Variants in TSPAN1 observed in about 807,000 individuals in gnomAD.
TSPAN1 encodes the protein tetraspanin 1.
Under a neutral mutation model 26.9 loss-of-function variants are expected in TSPAN1, and 23 were observed. The ratio of observed to expected loss-of-function variants is 0.85; its 90% CI spans 0.62 to 1.21. The LOEUF is 1.21. Among genes scored for constraint, TSPAN1 ranks in the 50% most tolerant of loss-of-function variants. The probability of loss-of-function intolerance (pLI) is 0.00; values close to 1 mark genes in which losing one functional copy is unlikely to be tolerated. For synonymous variants in TSPAN1, 115 were observed against 114.8 expected (o/e 1.00, Z -0.01); for missense variants, 283 against 298.4 (o/e 0.95, Z 0.38).
chr1:46,190,376 A>T, downstream of TSPAN1: 1 of 1,460,802 alleles, frequency 6.8e-7, no homozygotes. Context: ...GAGGGCCCTG[A>T]TTTTCATTTT....
At chr1:46,194,982 G>T in the TSPAN1 span, 1 of 1,611,500 alleles carries the variant, frequency 6.2e-7, no homozygotes, top group African/African-American at 1.3e-5. Flanking sequence ...AGAGAAGGCA[G>T]TTAGCCTGAC....
At chr1:46,190,642 C>G (rs1657691904), downstream of TSPAN1, 1 of 1,540,708 alleles carries the variant, frequency 6.5e-7, no homozygotes, top group African/African-American at 1.4e-5. Flanking sequence ...CACACAGGCC[C>G]AGCATTGGAA....
chr1:46,176,438 G>A, intron 1 of TSPAN1: 4 of 1,535,756 alleles, frequency 2.6e-6, no homozygotes, highest in Non-Finnish European at 3.5e-6. Flanking sequence ...ATGCCCTGGG[G>A]CCGAGGGCCA....
At chr1:46,179,989 T>TTG (rs918590782) in intron 1 of TSPAN1, among the ~76,000 whole-genome samples, 2 of 135,482 alleles carry the variant, frequency 1.5e-5, no homozygotes, top group African/African-American at 6.2e-5. Flanking sequence ...GTGTGTGTGT[T>TTG]TGTGTGTGTG....
At chr1:46,188,658 C>G, downstream of TSPAN1, 1 of 1,560,770 alleles carries the variant, frequency 6.4e-7, no homozygotes, top group Non-Finnish European at 8.7e-7. Context: ...CCCCCTGACA[C>G]ACAAAATCAC....
At position 46,175,237 on chromosome 1, in the gene TSPAN1, G is replaced by A. The variant is rs1381111244; in HGVS notation, c.-314G>A. The A allele has an allele frequency of 1.5e-5, 3 of 196,224 alleles. No individual in the cohort carries two copies. Among genetic ancestry groups the A allele is most frequent in the African/African-American group, 6.9e-5 (3 of 43,182 alleles). 12.2% of individuals were successfully genotyped at this position (196,224 alleles called of 1,614,324 possible). A position where few individuals can be genotyped will look rare whatever the true frequency, so the allele number is the denominator to read the frequency against. Reference sequence around the variant, plus strand: ...ATCTGTGCCTCCCAATACCTTCCAAGATGTTTACAGAGACCCTTCTCCCTG... The same window carrying A: ...ATCTGTGCCTCCCAATACCTTCCAAAATGTTTACAGAGACCCTTCTCCCTG... On this transcript the variant is annotated 5_prime_UTR_variant, in exon 1 of 9. Coordinates refer to ENST00000372003, the MANE Select transcript of TSPAN1 (RefSeq NM_005727.4).
At chr1:46,176,913 G>A (rs149409621) in intron 1 of TSPAN1, among the ~76,000 whole-genome samples, 29 of 152,184 alleles carry the variant, frequency 1.9e-4, no homozygotes, top group African/African-American at 6.0e-4. Context: ...CTATAAAGTC[G>A]CCACAAACAC....
intron 3 of TSPAN1, 165 bp from the exon 4 acceptor site, chr1:46,184,026 A>C (rs1280092832): frequency 1.4e-6 from 1 of 695,502 alleles, no homozygotes; most frequent in African/African-American, 1.8e-5. Flanking sequence ...CCCAGCTCCC[A>C]TTTTTCTGGC....
In TSPAN1 at chr1:46,184,204, C is replaced by T. The variant is rs767890868; in HGVS notation, c.71C>T (p.Ala24Val). Residue 24 changes from alanine to valine, a missense_variant, in exon 4 of 9, where the codon GCC becomes GTC. Physicochemically the swap from Ala to Val is moderately conservative, Grantham distance 64. Coordinates refer to ENST00000372003, the MANE Select transcript of TSPAN1 (RefSeq NM_005727.4). ...CTCTCTCCCCAGCTGTGTGGTGCAG[C>T]CCTGTTGGCAGTGGGCATCTGGGTG... ...FNLLIFLCGA[A>V]LLAVGIWVSI... 16 of 1,614,068 alleles carry T rather than the reference C, an allele frequency of 9.9e-6. No homozygotes were observed. In the African/African-American group the frequency reaches 1.6e-4, roughly 16 times the overall value.
chr1:46,184,719 G>A, intron 5 of TSPAN1, 51 bp downstream of exon 5: 2 of 1,613,602 alleles, frequency 1.2e-6, no homozygotes, highest in Non-Finnish European at 1.7e-6. Context: ...AACCCTGGGA[G>A]TGGGCTGTGG....
chr1:46,182,887 C>T (rs1335265856), intron 3 of TSPAN1, among the ~76,000 whole-genome samples: 1 of 152,140 alleles, frequency 6.6e-6, no homozygotes, highest in Non-Finnish European at 1.5e-5. Context: ...TGGCTTACTG[C>T]AGCGTCAACC....
chr1:46,193,976 G>A, the TSPAN1 span: 1 of 1,607,718 alleles, frequency 6.2e-7, no homozygotes, highest in East Asian at 2.2e-5. Flanking sequence ...TTCAAACTGG[G>A]ATCCCCACCT....
chr1:46,184,048 T>C (rs559191315), intron 3 of TSPAN1, 143 bp from the exon 4 acceptor site: 2 of 836,166 alleles, frequency 2.4e-6, no homozygotes, highest in South Asian at 1.6e-5. Context: ...CTAGAGGATG[T>C]TTCCCTCCTT....
chr1:46,194,719 C>G, the TSPAN1 span: 1 of 1,614,138 alleles, frequency 6.2e-7, no homozygotes, highest in Non-Finnish European at 8.5e-7. Context: ...TCCCATCTCC[C>G]TGCCTACTTT....
chr1:46,195,081 C>G, the TSPAN1 span: 1 of 867,490 alleles, frequency 1.2e-6, no homozygotes, highest in African/African-American at 1.7e-5. Flanking sequence ...ATTGCAATAA[C>G]CCTCTATGGT....
chr1:46,192,792 C>T, the TSPAN1 span: 13 of 1,587,758 alleles, frequency 8.2e-6, no homozygotes, highest in East Asian at 4.5e-5. Flanking sequence ...GCCCAGGCTT[C>T]GCCCCCACTT....
At chr1:46,193,432 T>G in the TSPAN1 span, 4 of 1,602,818 alleles carry the variant, frequency 2.5e-6, no homozygotes, top group South Asian at 3.3e-5. Context: ...TCACTTTCCC[T>G]CTGCCCACCT....
At chr1:46,193,159 A>G in the TSPAN1 span, 4 of 1,614,094 alleles carry the variant, frequency 2.5e-6, no homozygotes, top group Non-Finnish European at 2.5e-6. Flanking sequence ...CAAGAGTTGT[A>G]TCCTTAGTAC....
chr1:46,181,595 C>A (rs1202484920), intron 3 of TSPAN1, among the ~76,000 whole-genome samples: 1 of 152,206 alleles, frequency 6.6e-6, no homozygotes, highest in African/African-American at 2.4e-5. Flanking sequence ...GAGGGCCTAC[C>A]TCTCATCAGA....
Sources: allele counts gnomAD v4.1 joint callset (sites outside exome capture counted in the v4.1 genomes callset), GRCh38; gene constraint gnomAD v4.1.1; transcripts MANE v1.5; gene names NCBI Gene and HGNC (gene_info 2026-07-23, HGNC 2026-07-21).